The following NBPF11 variants were observed in gnomAD, a reference collection of about 807,000 sequenced individuals.
NBPF11 encodes NBPF member 11.
NBPF11 carries 72 observed loss-of-function variants against 93.9 expected under a neutral mutation model. The observed-to-expected ratio is 0.77, with a 90% confidence interval of 0.63 to 0.93. The LOEUF (loss-of-function observed/expected upper bound fraction) is 0.93, where lower values mean the gene tolerates loss of function less well. NBPF11 is among the 40% of genes least tolerant of loss of function. The probability of loss-of-function intolerance (pLI) is 0.00; values close to 1 mark genes in which losing one functional copy is unlikely to be tolerated. For synonymous variants in NBPF11, 224 were observed against 304.9 expected, an observed-to-expected ratio of 0.73 and a Z score of 2.76; for missense variants, 705 against 802.2, an observed-to-expected ratio of 0.88 and a Z score of 1.46.
At chr1:148,139,281 GGAC>G (rs1318421867) in intron 2 of NBPF11, among the ~76,000 whole-genome samples, 2 of 147,628 alleles carry the variant, frequency 1.4e-5, no homozygotes, top group African/African-American at 2.6e-5. Context: ...GCCATAAACA[GGAC>G]TACTATTATG....
At chr1:148,118,347 C>A (rs1667050036) in intron 11 of NBPF11, among the ~76,000 whole-genome samples, 1 of 151,774 alleles carries the variant, frequency 6.6e-6, no homozygotes, top group Non-Finnish European at 1.5e-5. Flanking sequence ...CTGTGTGGTT[C>A]ACACTCCTTT....
chr1:148,138,104 T>C (rs1322998061), intron 2 of NBPF11, among the ~76,000 whole-genome samples: 2 of 149,346 alleles, frequency 1.3e-5, no homozygotes, highest in East Asian at 2.0e-4. Flanking sequence ...CGTGAACAAA[T>C]GTCTCTGCAT....
At chr1:148,141,584 A>T (rs1672176443) in intron 2 of NBPF11, among the ~76,000 whole-genome samples, 1 of 151,990 alleles carries the variant, frequency 6.6e-6, no homozygotes. Context: ...GAGTCAGAGC[A>T]GTTGGAGATT....
chr1:148,148,520 G>A (rs1259910587), intron 1 of NBPF11, among the ~76,000 whole-genome samples: 2 of 152,026 alleles, frequency 1.3e-5, no homozygotes, highest in African/African-American at 4.8e-5. Flanking sequence ...TGAGGTGGCC[G>A]AGGACTTGTC....
intron 1 of NBPF11, chr1:148,147,066 A>T: frequency 1.1e-6 from 1 of 878,980 alleles, no homozygotes; most frequent in Non-Finnish European, 1.7e-6. Flanking sequence ...AGAGAGCCGG[A>T]CAGGCGAGCT....
intron 11 of NBPF11, 32 bp downstream of exon 11, chr1:148,118,588 C>T (rs1212456787): frequency 1.8e-5 from 29 of 1,581,278 alleles, no homozygotes; most frequent in South Asian, 1.2e-4. Flanking sequence ...TACACACCTG[C>T]CCCCCTGCCT....
At chr1:148,148,876 G>A (rs1647444019) in intron 1 of NBPF11, among the ~76,000 whole-genome samples, 1 of 151,540 alleles carries the variant, frequency 6.6e-6, no homozygotes, top group African/African-American at 2.4e-5. Flanking sequence ...CCTTACCCCC[G>A]CCCCAGGGGC....
chr1:148,132,052 T>A (rs1670425612), intron 4 of NBPF11, among the ~76,000 whole-genome samples: 1 of 142,790 alleles, frequency 7.0e-6, no homozygotes, highest in Non-Finnish European at 1.5e-5. Flanking sequence ...TTCATGTATC[T>A]TCTTTTCTGA....
At chr1:148,135,880 T>C (rs2149276755) in intron 3 of NBPF11, 67 bp from the exon 4 acceptor site, 2 of 909,682 alleles carry the variant, frequency 2.2e-6, no homozygotes, top group East Asian at 5.3e-5. Flanking sequence ...TGAGACACTT[T>C]CTTACCATGA....
rs201435444 is a variant in NBPF11, at chr1:148,109,302, T to C, written c.1835A>G (p.Gln612Arg). 14 of 994,496 alleles carry C rather than the reference T, an allele frequency of 1.4e-5. No homozygotes were observed. The highest frequency in any genetic ancestry group is 2.2e-5 in the Non-Finnish European group (14 of 629,574). 61.6% of individuals were successfully genotyped at this position (994,496 alleles called of 1,614,324 possible). A position where few individuals can be genotyped will look rare whatever the true frequency, so the allele number is the denominator to read the frequency against. The change falls in exon 17 of 24, where the codon CAA becomes CGA. Residue 612 changes from glutamine (Q) to arginine (R), a missense_variant. Coordinates refer to ENST00000682118, the MANE Select transcript of NBPF11 (RefSeq NM_001385469.3). ...GACTCACCTGGGACCTGTTGCCTCT[T>C]GGTCCTCCTTTTTCACTTGATCCCA... The part of the protein sequence containing the change: ...HRWDQVKKED[Q>R]EATGPRLSRE...
At chr1:148,139,226 G>T (rs1398230569) in intron 2 of NBPF11, among the ~76,000 whole-genome samples, 1 of 150,512 alleles carries the variant, frequency 6.6e-6, no homozygotes, top group Non-Finnish European at 1.5e-5. Context: ...ACAAGGTTTG[G>T]TAACAAATAC....
At position 148,103,592 on chromosome 1, in the gene NBPF11, T is replaced by A; in HGVS notation, c.*304A>T. ...CTATGTCTGGGCTTCCAAATGGAAC[T>A]ATAGTTTCATTCAAATCTTCAGGTG... On this transcript the variant is annotated 3_prime_UTR_variant, in exon 24 of 24. Coordinates refer to ENST00000682118, the MANE Select transcript of NBPF11 (RefSeq NM_001385469.3). 6.2e-7 allele frequency: 1 copy of A among 1,608,762 alleles called. No homozygotes were observed. Among genetic ancestry groups the A allele is most frequent in the Non-Finnish European group, 8.5e-7 (1 of 1,177,500 alleles).
In NBPF11 at chr1:148,152,103, G is replaced by A. The variant is rs1648533011; in HGVS notation, c.-902C>T. 6.6e-6 allele frequency: 1 copy of A among 152,170 alleles called. No homozygotes were observed. Among genetic ancestry groups the A allele is most frequent in the Admixed American group, 6.5e-5 (1 of 15,282 alleles). The allele number at this position is 152,170 out of a possible 1,614,324, so 9.4% of individuals were successfully genotyped here. A position where few individuals can be genotyped will look rare whatever the true frequency, so the allele number is the denominator to read the frequency against. On this transcript the variant is annotated 5_prime_UTR_variant, in exon 1 of 24. Coordinates refer to ENST00000682118, the MANE Select transcript of NBPF11 (RefSeq NM_001385469.3). ...GCGGGCCGAGAAAAGGAGTAATGGA[G>A]GACAGAGCGCAGCGGGGACGGGAAA...
At chr1:148,148,196 G>A (rs1168374484) in intron 1 of NBPF11, among the ~76,000 whole-genome samples, 10 of 152,220 alleles carry the variant, frequency 6.6e-5, no homozygotes, top group African/African-American at 2.4e-4. Flanking sequence ...GGCGAGCTGT[G>A]GAGTGCTGCC....
intron 2 of NBPF11, among the ~76,000 whole-genome samples, chr1:148,139,420 G>A (rs1256767685): frequency 0.088 from 11,689 of 132,484 alleles, 386 homozygotes; most frequent in East Asian, 0.19. Flanking sequence ...CTTTCCAAAT[G>A]TTTATTCTAT....
At chr1:148,146,943 G>A (rs1673230120) in intron 1 of NBPF11, 2 of 1,584,354 alleles carry the variant, frequency 1.3e-6, no homozygotes, top group Non-Finnish European at 8.6e-7. Context: ...CCTGGGGGCA[G>A]CTCAGCCTGG....
In NBPF11 at chr1:148,102,480, A is replaced by AC. The variant is rs1662559582; in HGVS notation, c.*1415dup. ...TCCTAGACCCCTCCTTAACCAAGTA[A>AC]CCAGTCCTGATATCATAATGGTGTT... On this transcript the variant is annotated 3_prime_UTR_variant, in exon 24 of 24. Transcript: ENST00000682118. The AC allele has an allele frequency of 6.6e-6, 1 of 151,814 alleles. No individual in the cohort carries two copies. Among genetic ancestry groups the AC allele is most frequent in the Non-Finnish European group, 1.5e-5 (1 of 68,026 alleles). 9.4% of individuals were successfully genotyped at this position (151,814 alleles called of 1,614,324 possible).
chr1:148,151,582 C>G (rs1369332658), intron 1 of NBPF11, 168 bp downstream of exon 1: 2 of 152,154 alleles, frequency 1.3e-5, no homozygotes, highest in South Asian at 2.1e-4. Flanking sequence ...GAATCAAGCG[C>G]AGGGAACTTA....
chr1:148,122,691 T>C, intron 8 of NBPF11, 38 bp downstream of exon 8: 3 of 1,605,622 alleles, frequency 1.9e-6, no homozygotes, highest in Middle Eastern at 2.1e-4. Flanking sequence ...TTTTCATATG[T>C]TACCACCCAT....
Sources: allele counts gnomAD v4.1 joint callset (sites outside exome capture counted in the v4.1 genomes callset), GRCh38; gene constraint gnomAD v4.1.1; transcripts MANE v1.5; gene names NCBI Gene and HGNC (gene_info 2026-07-23, HGNC 2026-07-21).